The following TFPI variants were observed in gnomAD, a reference collection of about 807,000 sequenced individuals.
TFPI encodes the protein tissue factor pathway inhibitor, also known as anti-convertin.
TFPI carries 15 observed loss-of-function variants against 34.6 expected under a neutral mutation model. The observed-to-expected ratio is 0.43, with a 90% CI of 0.29 to 0.67. TFPI has a LOEUF of 0.67. Among genes scored for constraint, TFPI ranks in the 30% least tolerant of loss-of-function variants. TFPI has a pLI of 0.15. For missense variants in TFPI, 301 were observed against 364.0 expected (o/e 0.83, Z 1.41); for synonymous variants, 105 against 120.1 (o/e 0.87, Z 0.82).
intron 1 of TFPI, among the ~76,000 whole-genome samples, chr2:187,524,351 C>G (rs537053065): frequency 6.6e-6 from 1 of 152,112 alleles, no homozygotes; most frequent in East Asian, 1.9e-4. Context: ...GTAGCTGCAC[C>G]ATTTTCCTTT....
At position 187,497,097 on chromosome 2, in the gene TFPI, A is replaced by G; in HGVS notation, c.122-19T>C. On this transcript the variant is annotated intron_variant, in intron 2 of 7. Coordinates refer to ENST00000233156, the MANE Select transcript of TFPI (RefSeq NM_006287.6). ...TCCGTATCTATAAAGTAAAAATAAA[A>G]GATATAACATGTAATCTCCATCAAC... 1 of 1,595,730 alleles carries G rather than the reference A, an allele frequency of 6.3e-7. No homozygotes were observed. The highest frequency in any genetic ancestry group is 8.6e-7 in the Non-Finnish European group (1 of 1,168,718).
chr2:187,502,845 G>C (rs1685942213), intron 2 of TFPI, among the ~76,000 whole-genome samples: 1 of 152,096 alleles, frequency 6.6e-6, no homozygotes, highest in South Asian at 2.1e-4. Context: ...CTTTATTAAA[G>C]TACACTGAAC....
intron 1 of TFPI, chr2:187,516,998 G>A (rs1185969679): frequency 6.6e-6 from 1 of 152,212 alleles, no homozygotes; most frequent in Non-Finnish European, 1.5e-5. Context: ...CAAGTCTGCT[G>A]AAGTTCCAGG....
rs193266046 is a variant in TFPI at position 187,478,484 on chromosome 2, G to A, written c.628+5640C>T. On this transcript the variant is annotated intron_variant, in intron 6 of 7. Coordinates refer to ENST00000233156, the MANE Select transcript of TFPI (RefSeq NM_006287.6). Reference sequence around the variant, plus strand: ...TTTTTTCCATGAATAGTTAGGTCCGGTCAAAAGACTCACAACTAGCACGAA... The same window carrying A: ...TTTTTTCCATGAATAGTTAGGTCCGATCAAAAGACTCACAACTAGCACGAA... 5.1e-5 allele frequency: 40 copies of A among 780,908 alleles called. 1 individual carries two copies. The East Asian group carries it at 1.1e-3, about 22-fold the overall frequency. 48.4% of individuals were successfully genotyped at this position (780,908 alleles called of 1,614,324 possible).
chr2:187,477,559 G>C (rs1049972624), intron 6 of TFPI, among the ~76,000 whole-genome samples: 1 of 151,958 alleles, frequency 6.6e-6, no homozygotes, highest in Middle Eastern at 3.2e-3. Context: ...GTGAGGGAGA[G>C]TTTCTCTCCA....
chr2:187,489,140 G>A (rs970229737), intron 3 of TFPI, among the ~76,000 whole-genome samples: 1 of 151,362 alleles, frequency 6.6e-6, no homozygotes, highest in African/African-American at 2.4e-5. Context: ...TTTGGTCAAA[G>A]CAGGTTAGCA....
At chr2:187,498,820 A>T (rs533110173) in intron 2 of TFPI, among the ~76,000 whole-genome samples, 1 of 152,072 alleles carries the variant, frequency 6.6e-6, no homozygotes, top group African/African-American at 2.4e-5. Flanking sequence ...TGATACGGGG[A>T]TAGTTTCAGC....
At chr2:187,523,758 T>G (rs1687538615) in intron 1 of TFPI, among the ~76,000 whole-genome samples, 1 of 152,124 alleles carries the variant, frequency 6.6e-6, no homozygotes, top group Non-Finnish European at 1.5e-5. Flanking sequence ...CTCTATTCCC[T>G]TTGAAGTTAC....
chr2:187,479,590 T>TATATATA (rs1692684158), intron 6 of TFPI, among the ~76,000 whole-genome samples: 1 of 125,204 alleles, frequency 8.0e-6, no homozygotes, highest in Non-Finnish European at 1.7e-5. Flanking sequence ...TATATATATA[T>TATATATA]GATTTAAAAA....
intron 1 of TFPI, among the ~76,000 whole-genome samples, chr2:187,506,097 A>T (rs1686199943): frequency 6.6e-6 from 1 of 152,100 alleles, no homozygotes; most frequent in Non-Finnish European, 1.5e-5. Context: ...CTGGGTGATA[A>T]CAGATTTAAT....
intron 3 of TFPI, 24 bp from the exon 4 acceptor site, chr2:187,488,399 T>C (rs1347413743): frequency 7.0e-7 from 1 of 1,422,574 alleles, no homozygotes; most frequent in African/African-American, 1.5e-5. Flanking sequence ...AATATATGCA[T>C]ATCAATTGTC....
At chr2:187,550,861 T>A (rs1689070949) in intron 1 of TFPI, among the ~76,000 whole-genome samples, 1 of 152,096 alleles carries the variant, frequency 6.6e-6, no homozygotes, top group Non-Finnish European at 1.5e-5. Flanking sequence ...ATTTACTCTG[T>A]TTTTAAGCCT....
intron 6 of TFPI, among the ~76,000 whole-genome samples, chr2:187,468,786 C>T (rs900166542): frequency 4.0e-5 from 6 of 151,806 alleles, no homozygotes; most frequent in Non-Finnish European, 8.8e-5. Flanking sequence ...GCACCGAGTA[C>T]TCTTCGGTAG....
Position 187,488,503 on chromosome 2 carries a change from T to A in TFPI, c.320-128A>T, listed in dbSNP as rs116525563. On this transcript the variant is annotated intron_variant, in intron 3 of 7. Transcript: ENST00000233156. ...ATTATTCTTATACAGAATGTCTTAA[T>A]AAAAATTGAATTTCTTTTTCTTTTC... is the stretch of plus-strand genomic sequence containing the variant. The A allele has an allele frequency of 2.2e-3, 1,121 of 520,686 alleles. 4 individuals carry two copies. Among genetic ancestry groups the A allele is most frequent in the African/African-American group, 0.021 (1,043 of 50,058 alleles). The allele number at this position is 520,686 out of a possible 1,614,324, so 32.3% of individuals were successfully genotyped here. A position where few individuals can be genotyped will look rare whatever the true frequency, so the allele number is the denominator to read the frequency against.
intron 1 of TFPI, 133 bp from the exon 2 acceptor site, chr2:187,503,903 C>A: frequency 2.3e-6 from 2 of 885,228 alleles, no homozygotes; most frequent in East Asian, 2.7e-5. Flanking sequence ...ATACATTTCT[C>A]TGTGCATACT....
intron 1 of TFPI, among the ~76,000 whole-genome samples, chr2:187,550,553 A>C (rs1290626764): frequency 6.6e-6 from 1 of 152,164 alleles, no homozygotes; most frequent in Non-Finnish European, 1.5e-5. Context: ...AATATTAGGC[A>C]ACCACATCAA....
chr2:187,499,669 A>G (rs1307676688), intron 2 of TFPI: 3 of 152,130 alleles, frequency 2.0e-5, no homozygotes, highest in Non-Finnish European at 4.4e-5. Flanking sequence ...TTTGAAACCA[A>G]TAAAAATGTG....
intron 1 of TFPI, among the ~76,000 whole-genome samples, chr2:187,505,002 C>G (rs1436541091): frequency 1.3e-5 from 2 of 151,936 alleles, no homozygotes; most frequent in African/African-American, 4.8e-5. Flanking sequence ...CAGTAGAGAT[C>G]TCATATATCT....
Position 187,499,753 on chromosome 2 carries a change from T to A in TFPI, c.122-2675A>T, listed in dbSNP as rs142554311. 620 of 152,290 alleles carry A rather than the reference T, an allele frequency of 4.1e-3. 2 individuals carry two copies. The highest frequency in any genetic ancestry group is 0.014 in the African/African-American group (590 of 41,578). The allele number at this position is 152,290 out of a possible 1,614,324, so 9.4% of individuals were successfully genotyped here. A position where few individuals can be genotyped will look rare whatever the true frequency, so the allele number is the denominator to read the frequency against. ...AGGAATAAAAATATTCTGGCATTTT[T>A]AATTTTACAGCTATATACCATTATC... On this transcript the variant is annotated intron_variant, in intron 2 of 7. Coordinates refer to ENST00000233156, the MANE Select transcript of TFPI (RefSeq NM_006287.6).
Sources: gnomAD v4.1 joint callset for allele counts (sites outside exome capture counted in the v4.1 genomes callset) on GRCh38, gnomAD v4.1.1 for gene constraint, MANE v1.5 for transcripts, NCBI Gene and HGNC (gene_info 2026-07-23, HGNC 2026-07-21) for gene names.